DOCK2: variants seen among roughly 807,000 people sequenced by gnomAD.
The protein encoded by DOCK2 is dedicator of cytokinesis 2.
A neutral mutation model predicts 248.9 loss-of-function variants in DOCK2; 87 were observed. The ratio of observed to expected loss-of-function variants is 0.35; its 90% confidence interval spans 0.29 to 0.42. The LOEUF (loss-of-function observed/expected upper bound fraction) is 0.42, where lower values mean the gene tolerates loss of function less well. Ranked by LOEUF, DOCK2 falls within the 10% of genes least tolerant of loss-of-function variation. The probability of loss-of-function intolerance (pLI) is 1.00; values close to 1 mark genes in which losing one functional copy is unlikely to be tolerated. For missense variants in DOCK2, 1,747 were observed against 2,300.2 expected (o/e 0.76, Z 4.92); for synonymous variants, 805 against 821.6 (o/e 0.98, Z 0.35).
intron 34 of DOCK2, among the ~76,000 whole-genome samples, chr5:170,032,898 C>A (rs1200000237): frequency 6.6e-6 from 1 of 152,008 alleles, no homozygotes; most frequent in African/African-American, 2.4e-5. Context: ...TAGACAGATA[C>A]AAATCACGTG....
At chr5:169,956,324 T>C (rs1404926512) in intron 27 of DOCK2, among the ~76,000 whole-genome samples, 1 of 152,144 alleles carries the variant, frequency 6.6e-6, no homozygotes, top group Non-Finnish European at 1.5e-5. Context: ...ATTAGGGAAA[T>C]GATGCCAAGA....
chr5:170,071,887 T>C (rs554880632), intron 46 of DOCK2, among the ~76,000 whole-genome samples: 1 of 152,368 alleles, frequency 6.6e-6, no homozygotes, highest in South Asian at 2.1e-4. Context: ...ATCTAACTTA[T>C]TTTGCCCAAT....
chr5:170,031,178 G>T (rs1157892588), intron 34 of DOCK2, among the ~76,000 whole-genome samples: 1 of 152,222 alleles, frequency 6.6e-6, no homozygotes, highest in African/African-American at 2.4e-5. Flanking sequence ...TTCTAGAAGT[G>T]GTGAGGGAAT....
intron 27 of DOCK2, among the ~76,000 whole-genome samples, chr5:169,904,444 C>CT (rs1774154869): frequency 6.6e-6 from 1 of 152,190 alleles, no homozygotes; most frequent in South Asian, 2.1e-4. Context: ...TCTCCAAAGT[C>CT]TCACTTCTGG....
At chr5:169,954,975 C>T (rs1269018564) in intron 27 of DOCK2, among the ~76,000 whole-genome samples, 1 of 152,222 alleles carries the variant, frequency 6.6e-6, no homozygotes, top group African/African-American at 2.4e-5. Flanking sequence ...GCAGACTGTG[C>T]CTCCTGTGAC....
intron 27 of DOCK2, among the ~76,000 whole-genome samples, chr5:169,905,568 T>C (rs1361381265): frequency 6.6e-6 from 1 of 152,190 alleles, no homozygotes; most frequent in Non-Finnish European, 1.5e-5. Flanking sequence ...CTGAGGGTAA[T>C]GTCACTCGCT....
chr5:169,685,420 G>A (rs907360805), intron 8 of DOCK2, among the ~76,000 whole-genome samples: 1 of 152,150 alleles, frequency 6.6e-6, no homozygotes, highest in African/African-American at 2.4e-5. Flanking sequence ...CTTCCTCTCA[G>A]GCGACCACTG....
chr5:170,004,128 G>T (rs1004308253), intron 30 of DOCK2, among the ~76,000 whole-genome samples: 2 of 152,198 alleles, frequency 1.3e-5, no homozygotes, highest in Non-Finnish European at 2.9e-5. Context: ...GCAGCATAGC[G>T]TCAATGCTAT....
intron 5 of DOCK2, 70 bp from the exon 6 acceptor site, chr5:169,674,227 G>T: frequency 1.9e-6 from 3 of 1,574,668 alleles, no homozygotes; most frequent in Non-Finnish European, 2.6e-6. Context: ...CCTGACTTTG[G>T]CACAGCCTGC....
chr5:170,003,854 G>A (rs1027512086), intron 30 of DOCK2, among the ~76,000 whole-genome samples: 9 of 152,206 alleles, frequency 5.9e-5, no homozygotes, highest in South Asian at 2.1e-4. Flanking sequence ...CTCTAAGAGC[G>A]CTACACAGAG....
intron 2 of DOCK2, among the ~76,000 whole-genome samples, chr5:169,664,744 A>G (rs558571341): frequency 6.6e-6 from 1 of 152,272 alleles, no homozygotes; most frequent in African/African-American, 2.4e-5. Context: ...CACCCCTATG[A>G]TCCAATCACC....
chr5:169,924,174 G>A (rs1232278514), intron 27 of DOCK2, among the ~76,000 whole-genome samples: 1 of 152,200 alleles, frequency 6.6e-6, no homozygotes, highest in East Asian at 1.9e-4. Context: ...GAAAGTCCCA[G>A]GGGACCACAG....
chr5:170,060,544 T>A (rs1757293561), intron 44 of DOCK2, among the ~76,000 whole-genome samples: 1 of 152,218 alleles, frequency 6.6e-6, no homozygotes, highest in Non-Finnish European at 1.5e-5. Flanking sequence ...AAGTTTTTTG[T>A]CCTGATTCTT....
chr5:170,027,407 A>G lies in DOCK2; in HGVS notation c.3382-456A>G, dbSNP rs181692345. On this transcript the variant is annotated intron_variant, in intron 33 of 51. Coordinates refer to ENST00000520908, the MANE Select transcript of DOCK2 (RefSeq NM_004946.3). The stretch of plus-strand genomic sequence containing the variant: ...AAGGAATGCCAAGTGGGCAGAAACA[A>G]TAGCTGACCAGGAAACATGGCATTC... Among the ~76,000 whole-genome samples, 1,314 of 152,282 alleles carry G rather than the reference A, an allele frequency of 8.6e-3. 6 individuals are homozygous for G. Among genetic ancestry groups the G allele is most frequent in the Non-Finnish European group, 0.013 (909 of 68,026 alleles).
intron 27 of DOCK2, among the ~76,000 whole-genome samples, chr5:169,878,936 T>C (rs1772478431): frequency 4.6e-5 from 7 of 152,160 alleles, no homozygotes; most frequent in Admixed American, 4.6e-4. Context: ...TAGGCATTGG[T>C]GTTGGGTCTG....
intron 27 of DOCK2, among the ~76,000 whole-genome samples, chr5:169,851,980 G>A (rs928775683): frequency 2.0e-5 from 3 of 152,164 alleles, no homozygotes; most frequent in Non-Finnish European, 2.9e-5. Flanking sequence ...ACCATGCCTC[G>A]TGTTTCTGCA....
At chr5:169,951,364 C>T (rs903177540) in intron 27 of DOCK2, among the ~76,000 whole-genome samples, 1 of 152,158 alleles carries the variant, frequency 6.6e-6, no homozygotes, top group Non-Finnish European at 1.5e-5. Context: ...TTAATGCTTC[C>T]AAATAACACA....
At chr5:169,720,661 A>G (rs1204370635) in intron 22 of DOCK2, among the ~76,000 whole-genome samples, 1 of 152,020 alleles carries the variant, frequency 6.6e-6, no homozygotes, top group Non-Finnish European at 1.5e-5. Flanking sequence ...TCCCCTTCCT[A>G]CTGGAAGGCA....
chr5:169,896,893 ATAAAGT>A (rs1450050883), intron 27 of DOCK2, among the ~76,000 whole-genome samples: 2 of 152,344 alleles, frequency 1.3e-5, no homozygotes, highest in African/African-American at 4.8e-5. Context: ...GAGGTAAAAA[ATAAAGT>A]TAATAAAGAG....
Sources: gnomAD v4.1 joint callset for allele counts (sites outside exome capture counted in the v4.1 genomes callset) on GRCh38, gnomAD v4.1.1 for gene constraint, MANE v1.5 for transcripts, NCBI Gene and HGNC (gene_info 2026-07-23, HGNC 2026-07-21) for gene names.